The following SASS6 variants were observed in gnomAD, a reference collection of about 807,000 sequenced individuals.
SASS6 encodes the protein SAS-6 centriolar assembly protein, also known as spindle assembly abnormal protein 6 homolog.
SASS6 carries 59 observed loss-of-function variants against 94.9 expected under a neutral mutation model. That is an observed-to-expected ratio of 0.62 (90% CI 0.50 to 0.77). SASS6 has a LOEUF of 0.77. Among genes scored for constraint, SASS6 ranks in the 30% least tolerant of loss-of-function variants. SASS6 has a pLI of 0.00. For missense variants in SASS6, 698 were observed against 734.1 expected, an observed-to-expected ratio of 0.95 and a Z score of 0.57; for synonymous variants, 264 against 270.0, an observed-to-expected ratio of 0.98 and a Z score of 0.22.
chr1:100,094,356 C>T (rs566929178), intron 14 of SASS6, among the ~76,000 whole-genome samples: 5 of 152,242 alleles, frequency 3.3e-5, no homozygotes, highest in Admixed American at 3.3e-4. Flanking sequence ...GATGATTTCA[C>T]TGGAAAATTC....
chr1:100,128,254 C>T (rs1298393905), intron 1 of SASS6, among the ~76,000 whole-genome samples: 3 of 152,156 alleles, frequency 2.0e-5, no homozygotes, highest in Non-Finnish European at 2.9e-5. Flanking sequence ...CCAGACTGGT[C>T]TCAAACTCCT....
chr1:100,132,587 TGA>T (rs774681613), intron 1 of SASS6, among the ~76,000 whole-genome samples, 161 bp downstream of exon 1: 1 of 152,002 alleles, frequency 6.6e-6, no homozygotes, highest in African/African-American at 2.4e-5. Flanking sequence ...GCCGACTTGG[TGA>T]GAGAGGTAAC....
chr1:100,090,876 T>C (rs186068016), intron 14 of SASS6, among the ~76,000 whole-genome samples: 3 of 152,300 alleles, frequency 2.0e-5, no homozygotes, highest in Non-Finnish European at 4.4e-5. Context: ...GGCTCACTTA[T>C]GAGCTGTACG....
Position 100,107,425 on chromosome 1 carries a change from T to C in SASS6, c.1275A>G (p.Glu425=), listed in dbSNP as rs1467770261. 6.2e-7 allele frequency: 1 copy of C among 1,610,238 alleles called. No homozygotes were observed. The highest frequency in any genetic ancestry group is 8.5e-7 in the Non-Finnish European group (1 of 1,176,908). The part of the protein sequence containing the change: ...LAEKEEKLQK[E]QKELQDVGQS... ...GTCCAACATCTTGTAATTCCTTTTG[T>C]TCCTTTTGTAATTTTTCCTCCTTCT... The change falls in exon 11 of 17, where the codon GAA becomes GAG. Residue 425 remains glutamate (E), a synonymous_variant. Coordinates refer to ENST00000287482, the MANE Select transcript of SASS6 (RefSeq NM_194292.3).
At chr1:100,096,645 G>A (rs1327973407) in intron 14 of SASS6, among the ~76,000 whole-genome samples, 1 of 152,156 alleles carries the variant, frequency 6.6e-6, no homozygotes, top group Non-Finnish European at 1.5e-5. Context: ...CTTGATAAAG[G>A]ACTTGTATCC....
chr1:100,100,094 C>T (rs58270332), intron 14 of SASS6, among the ~76,000 whole-genome samples: 6,270 of 151,950 alleles, frequency 0.041, 320 homozygotes, highest in African/African-American at 0.12. Context: ...GGTGAAACCC[C>T]GTCTCTACTA....
intron 14 of SASS6, among the ~76,000 whole-genome samples, chr1:100,088,586 G>A (rs568127857): frequency 1.9e-4 from 26 of 136,682 alleles, no homozygotes; most frequent in Admixed American, 1.0e-3. Flanking sequence ...CACCATTACC[G>A]GGGTGAATTA....
At position 100,084,182 on chromosome 1, in the gene SASS6, T is replaced by C. The variant is rs1425553687; in HGVS notation, c.*1146A>G. ...AATTAGCAAAGATTCTTTCTTACCA[T>C]GGGACTCAGTAATGTTATTACATCA... is the stretch of plus-strand genomic sequence containing the variant. On this transcript the variant is annotated 3_prime_UTR_variant, in exon 17 of 17. Coordinates refer to ENST00000287482, the MANE Select transcript of SASS6 (RefSeq NM_194292.3). 6.6e-6 allele frequency: 1 copy of C among 151,768 alleles called. No individual in the cohort carries two copies. The highest frequency in any genetic ancestry group is 1.5e-5 in the Non-Finnish European group (1 of 67,826). 9.4% of individuals were successfully genotyped at this position (151,768 alleles called of 1,614,324 possible). A position where few individuals can be genotyped will look rare whatever the true frequency, so the allele number is the denominator to read the frequency against.
intron 1 of SASS6, among the ~76,000 whole-genome samples, chr1:100,131,334 T>C (rs11166404): frequency 0.044 from 6,723 of 152,068 alleles, 175 homozygotes; most frequent in African/African-American, 0.06. Context: ...GGACTACGGG[T>C]GTGAGCCACC....
intron 14 of SASS6, among the ~76,000 whole-genome samples, chr1:100,092,498 G>T (rs367678160): frequency 3.5e-4 from 53 of 152,282 alleles, no homozygotes; most frequent in African/African-American, 1.1e-3. Context: ...TGAAGGAAAA[G>T]AACAAGAAGA....
chr1:100,110,852 A>G (rs1653269781), intron 7 of SASS6, among the ~76,000 whole-genome samples: 1 of 152,042 alleles, frequency 6.6e-6, no homozygotes, highest in African/African-American at 2.4e-5. Context: ...TATTAAAAAA[A>G]AAGCAGATTT....
chr1:100,108,013 G>A lies in SASS6; in HGVS notation c.862-9C>T, dbSNP rs201202918. On this transcript the variant is annotated splice_polypyrimidine_tract_variant and intron_variant, in intron 8 of 16. Transcript: ENST00000287482. ...TTAGTCCGCTGTAGCTCCTAGAATGGGAAAAGAAAGAAATTAAGCATTATG... is the reference window on the plus strand; with the variant it reads ...TTAGTCCGCTGTAGCTCCTAGAATGAGAAAAGAAAGAAATTAAGCATTATG... 1.2e-3 allele frequency: 1,852 copies of A among 1,543,614 alleles called. 3 individuals are homozygous for A. The highest frequency in any genetic ancestry group is 1.6e-3 in the Non-Finnish European group (1,775 of 1,138,504).
intron 1 of SASS6, among the ~76,000 whole-genome samples, chr1:100,126,693 C>G (rs552947087): frequency 6.6e-6 from 1 of 152,010 alleles, no homozygotes; most frequent in African/African-American, 2.4e-5. Context: ...TGGAGAAATG[C>G]GGAACCTGGT....
intron 2 of SASS6, among the ~76,000 whole-genome samples, chr1:100,125,520 A>T (rs1654542859): frequency 6.6e-6 from 1 of 151,584 alleles, no homozygotes; most frequent in South Asian, 2.1e-4. Flanking sequence ...CTCTACTAAA[A>T]ATACAAAAAT....
At chr1:100,109,252 G>T (rs563085170) in intron 8 of SASS6, among the ~76,000 whole-genome samples, 1 of 152,152 alleles carries the variant, frequency 6.6e-6, no homozygotes, top group South Asian at 2.1e-4. Context: ...ATGAGGATCT[G>T]AACACAAAAT....
chr1:100,105,481 C>T (rs182893979), intron 13 of SASS6, among the ~76,000 whole-genome samples: 5 of 151,732 alleles, frequency 3.3e-5, no homozygotes, highest in African/African-American at 7.3e-5. Flanking sequence ...GAGCCGAGAT[C>T]GCGCCACTGC....
rs1008777173 is a variant in SASS6, at chr1:100,132,752, C to T, written c.63G>A (p.Glu21=). The T allele has an allele frequency of 1.2e-6, 2 of 1,613,538 alleles. No individual in the cohort carries two copies. The highest frequency in any genetic ancestry group is 2.7e-5 in the African/African-American group (2 of 74,942). ...GCACTGGATGACGCGGACCTTACCT[C>T]TCCTCACAGTCTTTGCATTTCACCT... ...PLQVKCKDCE[E]RRVSIRMSIE... is the part of the protein sequence containing the mutation. Residue 21 remains glutamate (E), a splice_region_variant and synonymous_variant, in exon 1 of 17, where the codon GAG becomes GAA. Transcript: ENST00000287482.
chr1:100,118,893 TA>T (rs1186285552), intron 7 of SASS6, 124 bp downstream of exon 7: 57 of 514,200 alleles, frequency 1.1e-4, no homozygotes, highest in African/African-American at 9.8e-4. Context: ...AGAGGATTTT[TA>T]TTTTTATTTT....
In SASS6 at chr1:100,084,440, A is replaced by C. The variant is rs1218690601; in HGVS notation, c.*888T>G. ...AACTTTCAGTTACAGGGAAGAGAAGAAAATTGTACCTTCTAACAGTTATTT... is the reference window on the plus strand; with the variant it reads ...AACTTTCAGTTACAGGGAAGAGAAGCAAATTGTACCTTCTAACAGTTATTT... On this transcript the variant is annotated 3_prime_UTR_variant, in exon 17 of 17. Coordinates refer to ENST00000287482, the MANE Select transcript of SASS6 (RefSeq NM_194292.3). 1 of 152,216 alleles carries C rather than the reference A, an allele frequency of 6.6e-6. No homozygotes were observed. 9.4% of individuals were successfully genotyped at this position (152,216 alleles called of 1,614,324 possible).
Sources: allele counts gnomAD v4.1 joint callset (sites outside exome capture counted in the v4.1 genomes callset), GRCh38; gene constraint gnomAD v4.1.1; transcripts MANE v1.5; gene names NCBI Gene and HGNC (gene_info 2026-07-23, HGNC 2026-07-21).